The following SLC20A2 variants were observed in gnomAD, a reference collection of about 807,000 sequenced individuals.
The protein encoded by SLC20A2 is sodium-dependent phosphate transporter 2.
SLC20A2 carries 30 observed loss-of-function variants against 61.0 expected under a neutral mutation model. That is an observed-to-expected ratio of 0.49 (90% CI 0.37 to 0.67). SLC20A2 has a LOEUF of 0.67. Ranked by LOEUF, SLC20A2 falls within the 30% of genes least tolerant of loss-of-function variation. The pLI is 0.00. For synonymous variants in SLC20A2, 351 were observed against 353.3 expected (o/e 0.99, Z 0.07); for missense variants, 626 against 866.4 (o/e 0.72, Z 3.48).
intron 1 of SLC20A2, among the ~76,000 whole-genome samples, chr8:42,523,405 C>T (rs1811721687): frequency 6.6e-6 from 1 of 152,120 alleles, no homozygotes; most frequent in East Asian, 1.9e-4. Context: ...CAAACAGAGG[C>T]TATTATAGCA....
intron 4 of SLC20A2, among the ~76,000 whole-genome samples, chr8:42,462,552 T>C (rs972479226): frequency 3.3e-5 from 5 of 152,010 alleles, no homozygotes; most frequent in Non-Finnish European, 7.4e-5. Context: ...TTTTTATCCT[T>C]TCCTCAAATT....
intron 1 of SLC20A2, among the ~76,000 whole-genome samples, chr8:42,531,977 C>G (rs796407844): frequency 7.8e-5 from 10 of 128,936 alleles, no homozygotes; most frequent in African/African-American, 3.1e-4. Context: ...TGCCACCACG[C>G]CTGGCTAATT....
chr8:42,460,076 T>G, intron 4 of SLC20A2, 84 bp from the exon 5 acceptor site: 1 of 772,702 alleles, frequency 1.3e-6, no homozygotes, highest in Non-Finnish European at 2.2e-6. Context: ...TACAAAATAC[T>G]GTTACAAGAA....
At chr8:42,475,954 C>T (rs1274064700) in intron 1 of SLC20A2, among the ~76,000 whole-genome samples, 1 of 151,908 alleles carries the variant, frequency 6.6e-6, no homozygotes, top group Non-Finnish European at 1.5e-5. Context: ...GTTTATGGAA[C>T]CGAAGTGAAA....
intron 10 of SLC20A2, among the ~76,000 whole-genome samples, chr8:42,421,866 C>CT (rs111297835): frequency 0.22 from 31,902 of 147,934 alleles, 6,775 homozygotes; most frequent in African/African-American, 0.55. Context: ...CAACAGAGAT[C>CT]TTTTTTTTTT....
chr8:42,519,693 T>C (rs1378413530), intron 1 of SLC20A2, among the ~76,000 whole-genome samples: 4 of 152,328 alleles, frequency 2.6e-5, no homozygotes, highest in East Asian at 3.9e-4. Flanking sequence ...CCAAAACCTA[T>C]GGACCAGCCC....
At chr8:42,474,738 G>T (rs1164581475) in intron 1 of SLC20A2, among the ~76,000 whole-genome samples, 3 of 152,196 alleles carry the variant, frequency 2.0e-5, no homozygotes, top group Admixed American at 2.0e-4. Context: ...GCACATCTGG[G>T]AAGTCCAGTG....
At chr8:42,505,006 T>A (rs935756392), upstream of SLC20A2, among the ~76,000 whole-genome samples, 2 of 150,436 alleles carry the variant, frequency 1.3e-5, no homozygotes, top group Non-Finnish European at 2.9e-5. Context: ...GCAGATACAA[T>A]ACTTGGGTAA....
chr8:42,450,842 C>T (rs1455554400), intron 5 of SLC20A2, among the ~76,000 whole-genome samples: 1 of 152,130 alleles, frequency 6.6e-6, no homozygotes, highest in Non-Finnish European at 1.5e-5. Flanking sequence ...CTTTTTCAAA[C>T]CAGGGTACAT....
At chr8:42,496,777 T>C (rs1229321431) in intron 1 of SLC20A2, among the ~76,000 whole-genome samples, 2 of 152,186 alleles carry the variant, frequency 1.3e-5, no homozygotes, top group East Asian at 3.9e-4. Flanking sequence ...TCCTAGGGTG[T>C]AGTGGGTAGG....
At chr8:42,457,952 C>T (rs1806345720) in intron 5 of SLC20A2, among the ~76,000 whole-genome samples, 1 of 152,118 alleles carries the variant, frequency 6.6e-6, no homozygotes, top group South Asian at 2.1e-4. Context: ...TTGAGAACTC[C>T]TAGTTTGAGA....
intron 1 of SLC20A2, among the ~76,000 whole-genome samples, chr8:42,528,704 T>C (rs1475990360): frequency 3.9e-5 from 6 of 151,992 alleles, no homozygotes; most frequent in Non-Finnish European, 2.9e-5. Context: ...GTTTCGCTCA[T>C]TGCCCAGGCT....
Position 42,472,511 on chromosome 8 carries a change from G to A in SLC20A2, c.-121C>T. Reference sequence around the variant, plus strand: ...AAACAGTGAGTTTGCTCTGGAAAGTGCTGGACAATGTTAGAGGCTGGACAA... The same window carrying A: ...AAACAGTGAGTTTGCTCTGGAAAGTACTGGACAATGTTAGAGGCTGGACAA... On this transcript the variant is annotated 5_prime_UTR_variant, in exon 2 of 11. Coordinates refer to ENST00000520262, the MANE Select transcript of SLC20A2 (RefSeq NM_001257180.2). This position sits in a 1 kb window ranked among gnomAD's most constrained non-coding sequence, Gnocchi z 4.1. 1 of 895,904 alleles carries A rather than the reference G, an allele frequency of 1.1e-6. No homozygotes were observed. The highest frequency in any genetic ancestry group is 1.7e-6 in the Non-Finnish European group (1 of 597,360). 55.5% of individuals were successfully genotyped at this position (895,904 alleles called of 1,614,324 possible).
intron 1 of SLC20A2, among the ~76,000 whole-genome samples, chr8:42,486,246 AT>A (rs900619426): frequency 2.5e-4 from 37 of 149,244 alleles, no homozygotes; most frequent in Non-Finnish European, 2.5e-4. Flanking sequence ...TTTTATTTAA[AT>A]TTTTTTTTTG....
chr8:42,512,247 T>G (rs545681722), intron 1 of SLC20A2, among the ~76,000 whole-genome samples: 20 of 152,162 alleles, frequency 1.3e-4, no homozygotes, highest in African/African-American at 4.6e-4. Flanking sequence ...CAACTGAAAA[T>G]TATCCTTTTT....
At chr8:42,466,658 T>TTTTTC (rs778378299) in intron 2 of SLC20A2, among the ~76,000 whole-genome samples, 7 of 151,918 alleles carry the variant, frequency 4.6e-5, no homozygotes, top group African/African-American at 1.4e-4. Context: ...CCATGTTGCT[T>TTTTTC]TTTTCTTTTC....
Position 42,454,291 on chromosome 8 carries a change from C to T in SLC20A2, c.613+5605G>A, listed in dbSNP as rs141662098. Reference sequence around the variant, plus strand: ...TGCTGAGATTACAGGCGTGAGCCACCGCGCCCGGCCGAATTTTGGTATCTA... The same window carrying T: ...TGCTGAGATTACAGGCGTGAGCCACTGCGCCCGGCCGAATTTTGGTATCTA... On this transcript the variant is annotated intron_variant, in intron 5 of 10. Transcript: ENST00000520262. 2.8e-3 allele frequency among the ~76,000 whole-genome samples: 423 copies of T among 152,294 alleles called. 3 individuals carry two copies. The highest frequency in any genetic ancestry group is 9.5e-3 in the African/African-American group (394 of 41,566).
intron 1 of SLC20A2, among the ~76,000 whole-genome samples, chr8:42,479,512 A>T (rs1227995775): frequency 6.6e-6 from 1 of 152,060 alleles, no homozygotes; most frequent in African/African-American, 2.4e-5. Flanking sequence ...AAAAAAAAAA[A>T]AGTAGTTATC....
intron 5 of SLC20A2, among the ~76,000 whole-genome samples, chr8:42,457,777 G>A (rs539780528): frequency 3.0e-4 from 45 of 152,112 alleles, no homozygotes; most frequent in Admixed American, 8.5e-4. Context: ...GAGCCACTGC[G>A]CCCGGCTGAG....
Sources: allele counts gnomAD v4.1 joint callset (sites outside exome capture counted in the v4.1 genomes callset), GRCh38; gene constraint gnomAD v4.1.1; non-coding constraint Gnocchi (gnomAD v3.1); transcripts MANE v1.5; gene names NCBI Gene and HGNC (gene_info 2026-07-23, HGNC 2026-07-21).